ADAMTSL1: variants seen among roughly 807,000 people sequenced by gnomAD.
The protein encoded by ADAMTSL1 is ADAMTS like 1, also known as ADAMTS-like protein 1.
Under a neutral mutation model 201.8 loss-of-function variants are expected in ADAMTSL1, and 126 were observed. The observed-to-expected ratio is 0.62, with a 90% CI of 0.54 to 0.72. The LOEUF (loss-of-function observed/expected upper bound fraction) is 0.72. ADAMTSL1 is among the 30% of genes least tolerant of loss of function. The pLI, the probability that ADAMTSL1 is intolerant of heterozygous loss-of-function variation, is 0.00. For missense variants in ADAMTSL1, 2,679 were observed against 2,277.8 expected (o/e 1.18, Z -3.59); for synonymous variants, 1,121 against 903.4 (o/e 1.24, Z -4.32).
chr9:17,926,551 G>A (rs1014376009), intron 1 of ADAMTSL1, among the ~76,000 whole-genome samples: 1 of 152,134 alleles, frequency 6.6e-6, no homozygotes, highest in Non-Finnish European at 1.5e-5. Context: ...TCCACTCAGA[G>A]GTGACACAGG....
At chr9:18,217,915 T>C (rs1830112711) in intron 2 of ADAMTSL1, among the ~76,000 whole-genome samples, 1 of 151,920 alleles carries the variant, frequency 6.6e-6, no homozygotes, top group African/African-American at 2.4e-5. Flanking sequence ...CCACCCAACT[T>C]GGGAGTGGGG....
chr9:17,915,250 T>C (rs563386423), intron 1 of ADAMTSL1, among the ~76,000 whole-genome samples: 1 of 152,326 alleles, frequency 6.6e-6, no homozygotes, highest in Non-Finnish European at 1.5e-5. Flanking sequence ...TCAAATACTT[T>C]GTTACTGTGA....
chr9:18,252,466 G>T (rs905351763), intron 2 of ADAMTSL1, among the ~76,000 whole-genome samples: 2 of 151,636 alleles, frequency 1.3e-5, no homozygotes, highest in Non-Finnish European at 2.9e-5. Flanking sequence ...TATACTATTT[G>T]CATAAATCTA....
At chr9:18,549,952 G>T (rs187801401) in intron 3 of ADAMTSL1, among the ~76,000 whole-genome samples, 29 of 152,082 alleles carry the variant, frequency 1.9e-4, no homozygotes, top group Admixed American at 6.6e-4. Flanking sequence ...CAGGTGACTC[G>T]TATGCACATT....
At chr9:18,004,379 T>C (rs1390718732) in intron 1 of ADAMTSL1, among the ~76,000 whole-genome samples, 10 of 151,998 alleles carry the variant, frequency 6.6e-5, no homozygotes, top group African/African-American at 2.4e-4. Flanking sequence ...GAGCTCCTTC[T>C]GCAGGTGGTA....
chr9:18,717,980 A>G (rs897792008), intron 14 of ADAMTSL1: 2 of 1,578,822 alleles, frequency 1.3e-6, no homozygotes, highest in African/African-American at 2.7e-5. Flanking sequence ...ACATTAAAGC[A>G]GCTGACATGA....
chr9:18,850,218 C>T (rs1294645902), intron 23 of ADAMTSL1, among the ~76,000 whole-genome samples: 1 of 152,182 alleles, frequency 6.6e-6, no homozygotes, highest in Admixed American at 6.5e-5. Context: ...GGACACAATT[C>T]CCAGGCCCAT....
At chr9:18,545,479 G>A (rs572521616) in intron 3 of ADAMTSL1, among the ~76,000 whole-genome samples, 1 of 152,096 alleles carries the variant, frequency 6.6e-6, no homozygotes, top group East Asian at 1.9e-4. Context: ...TAAGAAAAGA[G>A]ATATTCAAAC....
chr9:18,513,704 A>G (rs945929289), intron 2 of ADAMTSL1, among the ~76,000 whole-genome samples: 1 of 152,124 alleles, frequency 6.6e-6, no homozygotes, highest in Non-Finnish European at 1.5e-5. Flanking sequence ...TTATTCTTTC[A>G]CATGTGGATA....
intron 3 of ADAMTSL1, among the ~76,000 whole-genome samples, chr9:18,571,164 A>G (rs987248183): frequency 3.9e-5 from 6 of 152,200 alleles, no homozygotes; most frequent in African/African-American, 1.2e-4. Context: ...TTATGTCTGT[A>G]CTAAGATGAT....
intron 2 of ADAMTSL1, among the ~76,000 whole-genome samples, chr9:18,286,472 C>T (rs1294247260): frequency 6.6e-6 from 1 of 152,080 alleles, no homozygotes; most frequent in Admixed American, 6.6e-5. Flanking sequence ...GGTAGAGAGA[C>T]AGGGTCAGAG....
intron 2 of ADAMTSL1, among the ~76,000 whole-genome samples, chr9:18,371,142 T>C (rs575966749): frequency 6.6e-6 from 1 of 152,204 alleles, no homozygotes; most frequent in Non-Finnish European, 1.5e-5. Flanking sequence ...AAGTCCTTAG[T>C]TTTTGTAATA....
At position 18,715,343 on chromosome 9, in the gene ADAMTSL1, T is replaced by A. The variant is rs554940133; in HGVS notation, c.1877-6193T>A. Among the ~76,000 whole-genome samples, 5 of 152,178 alleles carry A rather than the reference T, an allele frequency of 3.3e-5. No individual in the cohort carries two copies. The East Asian group carries it at 9.7e-4, about 30-fold the overall frequency. Reference sequence around the variant, plus strand: ...TGATTGTATATCTAGAAATCCCCATTGTCTCAGCCCAAAATCTCCTTAAGC... The same window carrying A: ...TGATTGTATATCTAGAAATCCCCATAGTCTCAGCCCAAAATCTCCTTAAGC... On this transcript the variant is annotated intron_variant, in intron 14 of 28. Coordinates refer to ENST00000380548, the MANE Select transcript of ADAMTSL1 (RefSeq NM_001040272.6).
At chr9:18,408,236 G>C (rs1315836507) in intron 2 of ADAMTSL1, among the ~76,000 whole-genome samples, 1 of 152,160 alleles carries the variant, frequency 6.6e-6, no homozygotes, top group Non-Finnish European at 1.5e-5. Flanking sequence ...TGGGAAGCCA[G>C]GGTGGGAGGA....
chr9:18,716,987 A>G (rs1179980714), intron 14 of ADAMTSL1, among the ~76,000 whole-genome samples: 1 of 133,452 alleles, frequency 7.5e-6, no homozygotes, highest in Non-Finnish European at 1.7e-5. Context: ...CTATCGCAAG[A>G]ACAAAAAACC....
chr9:17,989,695 T>C (rs1202442045), intron 1 of ADAMTSL1, among the ~76,000 whole-genome samples: 1 of 152,044 alleles, frequency 6.6e-6, no homozygotes, highest in Non-Finnish European at 1.5e-5. Flanking sequence ...TTTAAAATAT[T>C]TGCCACTTTC....
intron 23 of ADAMTSL1, among the ~76,000 whole-genome samples, chr9:18,844,971 C>G (rs903975311): frequency 2.5e-4 from 38 of 152,214 alleles, no homozygotes; most frequent in African/African-American, 8.4e-4. Context: ...AAAGGGAACT[C>G]CCTGACCCCT....
chr9:18,007,292 T>C lies in ADAMTSL1; in HGVS notation c.87+100370T>C, dbSNP rs561077337. Among the ~76,000 whole-genome samples the C allele has an allele frequency of 3.3e-5, 5 of 152,168 alleles. No individual in the cohort carries two copies. The South Asian group carries it at 1.0e-3, about 32-fold the overall frequency. The stretch of plus-strand genomic sequence containing the variant: ...GCTCTTGATGTTTCTCTCTGATAAC[T>C]AGCTGTGAAGAGGACCAGAAAAAAA... On this transcript the variant is annotated intron_variant, in intron 1 of 29. Transcript: ENST00000680146.
At chr9:18,769,442 T>C (rs1177946117) in intron 16 of ADAMTSL1, among the ~76,000 whole-genome samples, 2 of 152,180 alleles carry the variant, frequency 1.3e-5, no homozygotes. Flanking sequence ...TGGGTTGAAC[T>C]CTTAGCTAGG....
Sources: allele counts gnomAD v4.1 joint callset (sites outside exome capture counted in the v4.1 genomes callset), GRCh38; gene constraint gnomAD v4.1.1; transcripts MANE v1.5; gene names NCBI Gene and HGNC (gene_info 2026-07-23, HGNC 2026-07-21).